KCNH1: variants seen among roughly 807,000 people sequenced by gnomAD.
The protein encoded by KCNH1 is voltage-gated delayed rectifier potassium channel KCNH1.
Under a neutral mutation model 69.2 loss-of-function variants are expected in KCNH1, and 27 were observed. That is an observed-to-expected ratio of 0.39 (90% CI 0.29 to 0.54). The LOEUF (loss-of-function observed/expected upper bound fraction) is 0.54. Ranked by LOEUF, KCNH1 falls within the 20% of genes least tolerant of loss-of-function variation. KCNH1 has a pLI of 0.68. For missense variants in KCNH1, 798 were observed against 1,261.6 expected (o/e 0.63, Z 5.57); for synonymous variants, 456 against 487.7 (o/e 0.93, Z 0.86).
At chr1:211,049,929 A>C (rs1690166463) in intron 5 of KCNH1, among the ~76,000 whole-genome samples, 1 of 152,110 alleles carries the variant, frequency 6.6e-6, no homozygotes, top group Non-Finnish European at 1.5e-5. Flanking sequence ...CAGCAGAAGA[A>C]ACCAGAGTCA....
intron 6 of KCNH1, among the ~76,000 whole-genome samples, chr1:210,977,719 G>A (rs1688640618): frequency 6.6e-6 from 1 of 152,064 alleles, no homozygotes; most frequent in Admixed American, 6.5e-5. Context: ...ACATAGTTAA[G>A]GTAACTGGGC....
intron 9 of KCNH1, among the ~76,000 whole-genome samples, chr1:210,776,863 A>G (rs1345395861): frequency 6.6e-6 from 1 of 152,206 alleles, no homozygotes; most frequent in Non-Finnish European, 1.5e-5. Context: ...CCAGCAAGCA[A>G]CATTTTAACA....
At chr1:210,729,706 C>T (rs1233064259) in intron 10 of KCNH1, among the ~76,000 whole-genome samples, 1 of 152,172 alleles carries the variant, frequency 6.6e-6, no homozygotes, top group East Asian at 1.9e-4. Flanking sequence ...TAACAGATTC[C>T]TTGTTCCTCA....
chr1:210,763,890 A>G lies in KCNH1; in HGVS notation c.2112+11458T>C, dbSNP rs1190011553. ...ACTATTCTAAAATTCATATGGAACC[A>G]AAAAACAGCGCAAATAACCAAGGCA... is the stretch of plus-strand genomic sequence containing the variant. On this transcript the variant is annotated intron_variant, in intron 10 of 10. Transcript: ENST00000271751. Among the ~76,000 whole-genome samples, 3 of 152,292 alleles carry G rather than the reference A, an allele frequency of 2.0e-5. No homozygotes were observed. In the East Asian group the frequency reaches 5.8e-4, roughly 29 times the overall value.
At chr1:210,687,878 G>T (rs997341169) in intron 10 of KCNH1, among the ~76,000 whole-genome samples, 4 of 152,140 alleles carry the variant, frequency 2.6e-5, no homozygotes, top group Non-Finnish European at 4.4e-5. Context: ...GCTCCCCATG[G>T]CAAGAGTGTA....
At chr1:211,033,655 AT>A (rs1689837092) in intron 5 of KCNH1, among the ~76,000 whole-genome samples, 1 of 152,112 alleles carries the variant, frequency 6.6e-6, no homozygotes, top group South Asian at 2.1e-4. Context: ...TCAACAAACT[AT>A]GGCAAGGACA....
chr1:211,048,187 T>C (rs953400595), intron 5 of KCNH1, among the ~76,000 whole-genome samples: 2 of 152,156 alleles, frequency 1.3e-5, no homozygotes, highest in Non-Finnish European at 2.9e-5. Context: ...AAATAATAGA[T>C]GTTGGCATGG....
chr1:210,831,009 T>A (rs775834781), intron 7 of KCNH1, among the ~76,000 whole-genome samples: 3 of 152,192 alleles, frequency 2.0e-5, no homozygotes, highest in Non-Finnish European at 4.4e-5. Flanking sequence ...TCAGGCACAC[T>A]GTCATTAAAA....
At chr1:210,930,105 T>A (rs547510151) in intron 6 of KCNH1, among the ~76,000 whole-genome samples, 1 of 152,144 alleles carries the variant, frequency 6.6e-6, no homozygotes, top group South Asian at 2.1e-4. Flanking sequence ...GACCACGCTG[T>A]CAAAAACAAT....
intron 1 of KCNH1, among the ~76,000 whole-genome samples, chr1:211,112,509 A>C (rs201332920): frequency 4.7e-5 from 7 of 150,404 alleles, no homozygotes; most frequent in Non-Finnish European, 1.5e-5. Flanking sequence ...AATAAAAAAA[A>C]AAAAAAAAAA....
intron 7 of KCNH1, among the ~76,000 whole-genome samples, chr1:210,854,202 A>C (rs1685777497): frequency 6.6e-6 from 1 of 152,148 alleles, no homozygotes; most frequent in Non-Finnish European, 1.5e-5. Context: ...TTATACAATA[A>C]TGTATTCCTC....
At chr1:210,791,186 T>C (rs1250263801) in intron 9 of KCNH1, among the ~76,000 whole-genome samples, 1 of 152,228 alleles carries the variant, frequency 6.6e-6, no homozygotes. Flanking sequence ...TTTAGGTTAA[T>C]GTAATAAAAG....
At chr1:210,832,622 T>G (rs1296880207) in intron 7 of KCNH1, among the ~76,000 whole-genome samples, 1 of 152,048 alleles carries the variant, frequency 6.6e-6, no homozygotes, top group African/African-American at 2.4e-5. Flanking sequence ...CAAAAAAAAG[T>G]CAATGTTCTC....
intron 1 of KCNH1, among the ~76,000 whole-genome samples, chr1:211,113,978 A>T (rs35845098): frequency 0.19 from 25,664 of 134,592 alleles, 2,464 homozygotes; most frequent in African/African-American, 0.29. Flanking sequence ...TCTCTCTCAC[A>T]CACACACACA....
At chr1:210,702,383 T>C (rs12407959) in intron 10 of KCNH1, among the ~76,000 whole-genome samples, 5,840 of 152,288 alleles carry the variant, frequency 0.038, 181 homozygotes, top group Admixed American at 0.087. Context: ...TTTAATTTTA[T>C]TACCTTCCTC....
At chr1:210,969,111 T>C (rs1007444763) in intron 6 of KCNH1, among the ~76,000 whole-genome samples, 2 of 152,122 alleles carry the variant, frequency 1.3e-5, no homozygotes, top group Admixed American at 1.3e-4. Flanking sequence ...ATTCTTGGAA[T>C]AAATTCAACT....
chr1:210,860,199 G>T, intron 7 of KCNH1: 1 of 1,304,138 alleles, frequency 7.7e-7, no homozygotes, highest in Non-Finnish European at 1.1e-6. Context: ...TATAAAGGAG[G>T]GGCATCATAT....
chr1:210,801,074 A>T (rs551969702), intron 8 of KCNH1, among the ~76,000 whole-genome samples: 30 of 152,204 alleles, frequency 2.0e-4, no homozygotes, highest in African/African-American at 7.0e-4. Flanking sequence ...CTCATTTTTG[A>T]TATTGTCATC....
At chr1:210,701,139 G>A (rs1365174685) in intron 10 of KCNH1, among the ~76,000 whole-genome samples, 2 of 151,970 alleles carry the variant, frequency 1.3e-5, no homozygotes, top group Admixed American at 1.3e-4. Flanking sequence ...GGGTTTCACT[G>A]TGTTGGCCAG....
Sources: allele counts gnomAD v4.1 joint callset (sites outside exome capture counted in the v4.1 genomes callset), GRCh38; gene constraint gnomAD v4.1.1; transcripts MANE v1.5; gene names NCBI Gene and HGNC (gene_info 2026-07-23, HGNC 2026-07-21).